TAF4: variants seen among roughly 807,000 people sequenced by gnomAD.
TAF4 encodes transcription initiation factor TFIID subunit 4.
In TAF4, 9 loss-of-function variants were observed where a neutral mutation model predicts 90.3. The observed-to-expected ratio is 0.10, with a 90% CI of 0.06 to 0.17. The LOEUF (loss-of-function observed/expected upper bound fraction) is 0.17, where lower values mean the gene tolerates loss of function less well. Ranked by LOEUF, TAF4 falls within the 10% of genes least tolerant of loss-of-function variation. The probability of loss-of-function intolerance (pLI) is 1.00; values close to 1 mark genes in which losing one functional copy is unlikely to be tolerated. For missense variants in TAF4, 1,351 were observed against 1,370.7 expected, an observed-to-expected ratio of 0.99 and a Z score of 0.23; for synonymous variants, 818 against 638.9, an observed-to-expected ratio of 1.28 and a Z score of -4.23.
intron 1 of TAF4, among the ~76,000 whole-genome samples, chr20:62,015,710 C>T (rs1436637518): frequency 2.0e-5 from 3 of 152,134 alleles, no homozygotes; most frequent in African/African-American, 7.2e-5. Context: ...ATGATAACCT[C>T]GAAAAAGATG....
Position 62,065,708 on chromosome 20 carries a change from C to T in TAF4, c.103G>A (p.Ala35Thr). Reference sequence around the variant, plus strand: ...AGGTGGTGGTGGTGGGCCGCGCTGGCCGCCAGCTGCGACTCCAGCGAGCCC... The same window carrying T: ...AGGTGGTGGTGGTGGGCCGCGCTGGTCGCCAGCTGCGACTCCAGCGAGCCC... Reference protein sequence around the residue: ...LVGSLESQLAASAAHHHHLAP... With the variant: ...LVGSLESQLATSAAHHHHLAP... The change falls in exon 1 of 15, where the codon GCC becomes ACC. Residue 35 changes from alanine to threonine, a missense_variant. By Grantham distance (58) the Ala-to-Thr change is moderately conservative (BLOSUM62 0). Transcript: ENST00000252996. 3 of 1,286,128 alleles carry T rather than the reference C, an allele frequency of 2.3e-6. No homozygotes were observed. Among genetic ancestry groups the T allele is most frequent in the Non-Finnish European group, 2.0e-6 (2 of 997,372 alleles). The allele number at this position is 1,286,128 out of a possible 1,614,324, so 79.7% of individuals were successfully genotyped here.
chr20:62,020,741 C>T (rs746821981), intron 1 of TAF4, among the ~76,000 whole-genome samples: 17 of 152,166 alleles, frequency 1.1e-4, no homozygotes, highest in Non-Finnish European at 1.8e-4. Flanking sequence ...TTATCCAATA[C>T]GACAGTCAAA....
chr20:62,044,041 T>C (rs2055978993), intron 1 of TAF4, among the ~76,000 whole-genome samples: 1 of 152,194 alleles, frequency 6.6e-6, no homozygotes, highest in Admixed American at 6.5e-5. Flanking sequence ...GCCTCCCCTG[T>C]CTCCAGCCCA....
At chr20:61,990,728 C>G (rs1243728955) in intron 14 of TAF4, among the ~76,000 whole-genome samples, 8 of 152,176 alleles carry the variant, frequency 5.3e-5, no homozygotes, top group Non-Finnish European at 7.3e-5. Context: ...GGGAGTGAAT[C>G]AGTACTGAGC....
chr20:62,064,176 A>C (rs2075882345), intron 1 of TAF4: 1 of 370,788 alleles, frequency 2.7e-6, no homozygotes, highest in African/African-American at 2.1e-5. Context: ...GTCCTGGCTG[A>C]GCCACTCCGA....
intron 14 of TAF4, among the ~76,000 whole-genome samples, chr20:61,988,551 A>C (rs1271255242): frequency 1.3e-5 from 2 of 152,198 alleles, no homozygotes; most frequent in African/African-American, 2.4e-5. Flanking sequence ...TAAAAAAAGA[A>C]GACTTACCCT....
At chr20:62,017,948 T>TAG (rs2055821875) in intron 1 of TAF4, among the ~76,000 whole-genome samples, 1 of 152,086 alleles carries the variant, frequency 6.6e-6, no homozygotes, top group Non-Finnish European at 1.5e-5. Context: ...AGTGGCATTC[T>TAG]GGACATCACA....
chr20:61,975,984 G>A lies in TAF4; in HGVS notation c.*184C>T. On this transcript the variant is annotated 3_prime_UTR_variant, in exon 15 of 15. Coordinates refer to ENST00000252996, the MANE Select transcript of TAF4 (RefSeq NM_003185.4). The stretch of plus-strand genomic sequence containing the variant: ...TAATTGTCCTTTAAGAGTATCCACA[G>A]GCCTTTGTGTTCTCTCTGTTACAGA... 2 of 636,458 alleles carry A rather than the reference G, an allele frequency of 3.1e-6. No individual in the cohort carries two copies. The highest frequency in any genetic ancestry group is 5.4e-6 in the Non-Finnish European group (2 of 372,690). The allele number at this position is 636,458 out of a possible 1,614,324, so 39.4% of individuals were successfully genotyped here.
At chr20:62,003,676 T>C (rs1189544478) in intron 8 of TAF4, 55 bp downstream of exon 8, 1 of 1,501,720 alleles carries the variant, frequency 6.7e-7, no homozygotes, top group Non-Finnish European at 8.8e-7. Flanking sequence ...CAATGGCAGC[T>C]GGCTCTGGGA....
Position 62,010,245 on chromosome 20 carries a change from A to T in TAF4, c.1642-80T>A. ...GGGGAGACCAGCCTCACGCCCAGCAAAAGAAAACAAGCCTCCCTGCGGTGG... is the reference window on the plus strand; with the variant it reads ...GGGGAGACCAGCCTCACGCCCAGCATAAGAAAACAAGCCTCCCTGCGGTGG... On this transcript the variant is annotated intron_variant, in intron 3 of 14. Coordinates refer to ENST00000252996, the MANE Select transcript of TAF4 (RefSeq NM_003185.4). The surrounding 1 kb of genome is among the most constrained non-coding windows in gnomAD (Gnocchi z 4.5). 6.2e-7 allele frequency: 1 copy of T among 1,600,184 alleles called. No homozygotes were observed. The highest frequency in any genetic ancestry group is 8.5e-7 in the Non-Finnish European group (1 of 1,173,596).
chr20:62,015,345 A>G (rs1396011767), intron 1 of TAF4, among the ~76,000 whole-genome samples: 1 of 152,252 alleles, frequency 6.6e-6, no homozygotes, highest in Non-Finnish European at 1.5e-5. Flanking sequence ...ACCACAGGAA[A>G]GCAAATCCTG....
intron 10 of TAF4, 143 bp downstream of exon 10, chr20:62,000,409 C>A: frequency 7.2e-7 from 1 of 1,388,778 alleles, no homozygotes; most frequent in Non-Finnish European, 9.8e-7. Context: ...CATATTTTAC[C>A]CAAGAACCAC....
chr20:62,009,949 C>G (rs965433478), intron 4 of TAF4, 97 bp downstream of exon 4: 3 of 1,577,508 alleles, frequency 1.9e-6, no homozygotes, highest in Admixed American at 1.7e-5. Context: ...AGTGAGCGGT[C>G]TGGGACAGAA....
In TAF4 at chr20:62,006,175, G is replaced by A. The variant is rs975802507; in HGVS notation, c.2223+335C>T. 3 of 200,904 alleles carry A rather than the reference G, an allele frequency of 1.5e-5. No homozygotes were observed. Among genetic ancestry groups the A allele is most frequent in the Non-Finnish European group, 9.9e-6 (1 of 100,928 alleles). 12.4% of individuals were successfully genotyped at this position (200,904 alleles called of 1,614,324 possible). On this transcript the variant is annotated intron_variant, in intron 7 of 14. Coordinates refer to ENST00000252996, the MANE Select transcript of TAF4 (RefSeq NM_003185.4). This position sits in a 1 kb window ranked among gnomAD's most constrained non-coding sequence, Gnocchi z 7.0. ...GCCCGTGTCTTACGCTTGGACCGCT[G>A]CTCCTAATCCAAGAGAACATCTATC...
At chr20:62,060,822 T>TC (rs1325685012) in intron 1 of TAF4, among the ~76,000 whole-genome samples, 1 of 151,976 alleles carries the variant, frequency 6.6e-6, no homozygotes, top group Non-Finnish European at 1.5e-5. Flanking sequence ...CTCGGTAACT[T>TC]CCCCATTGAC....
intron 1 of TAF4, among the ~76,000 whole-genome samples, chr20:62,018,720 G>A (rs13433151): frequency 2.4e-4 from 37 of 152,246 alleles, no homozygotes; most frequent in Non-Finnish European, 3.5e-4. Context: ...CAGGGCTCTC[G>A]GATACAGAGG....
At chr20:62,020,535 G>C (rs575400373) in intron 1 of TAF4, among the ~76,000 whole-genome samples, 1 of 152,282 alleles carries the variant, frequency 6.6e-6, no homozygotes, top group Non-Finnish European at 1.5e-5. Flanking sequence ...GCCTTTCTGG[G>C]TGTCTGGTAA....
intron 1 of TAF4, among the ~76,000 whole-genome samples, chr20:62,056,446 T>C (rs1045027966): frequency 2.0e-5 from 3 of 152,232 alleles, no homozygotes; most frequent in South Asian, 2.1e-4. Flanking sequence ...GAAGGTGATA[T>C]GTATCAAAGC....
At chr20:61,986,584 T>C (rs1200041228) in intron 14 of TAF4, among the ~76,000 whole-genome samples, 1 of 152,184 alleles carries the variant, frequency 6.6e-6, no homozygotes, top group Admixed American at 6.5e-5. Context: ...CAAGAAATCA[T>C]GGAAAACAGA....
Sources: allele counts gnomAD v4.1 joint callset (sites outside exome capture counted in the v4.1 genomes callset), GRCh38; gene constraint gnomAD v4.1.1; non-coding constraint Gnocchi (gnomAD v3.1); transcripts MANE v1.5; gene names NCBI Gene and HGNC (gene_info 2026-07-23, HGNC 2026-07-21).